Variants in CAMKMT observed in about 807,000 individuals in gnomAD.
CAMKMT encodes calmodulin-lysine N-methyltransferase.
CAMKMT carries 53 observed loss-of-function variants against 48.0 expected under a neutral mutation model. The observed-to-expected ratio is 1.10, with a 90% confidence interval of 0.89 to 1.39. The LOEUF is 1.39. CAMKMT is among the 40% of genes most tolerant of loss of function. The pLI, the probability that CAMKMT is intolerant of heterozygous loss-of-function variation, is 0.00. For missense variants in CAMKMT, 428 were observed against 402.7 expected (o/e 1.06, Z -0.54); for synonymous variants, 165 against 152.3 (o/e 1.08, Z -0.61).
intron 3 of CAMKMT, among the ~76,000 whole-genome samples, chr2:44,450,675 T>G (rs1185661557): frequency 6.6e-6 from 1 of 152,172 alleles, no homozygotes; most frequent in Non-Finnish European, 1.5e-5. Flanking sequence ...TTATTCACTT[T>G]AATTAGCATT....
intron 2 of CAMKMT, among the ~76,000 whole-genome samples, chr2:44,375,871 T>C (rs1207872926): frequency 6.6e-6 from 1 of 152,018 alleles, no homozygotes; most frequent in East Asian, 1.9e-4. Flanking sequence ...CTGCAACCTT[T>C]ACCTCCAGGG....
intron 1 of CAMKMT, 65 bp downstream of exon 1, chr2:44,362,210 C>A (rs1388952197): frequency 7.5e-7 from 1 of 1,331,868 alleles, no homozygotes; most frequent in Non-Finnish European, 9.8e-7. Flanking sequence ...ACCGGGGGAG[C>A]GACTGTTCGC....
At chr2:44,626,315 A>G (rs1180926491) in intron 3 of CAMKMT, among the ~76,000 whole-genome samples, 1 of 151,738 alleles carries the variant, frequency 6.6e-6, no homozygotes, top group Non-Finnish European at 1.5e-5. Context: ...TTGTATTTTT[A>G]TTTCATTTTC....
At chr2:44,598,684 G>A (rs773859682) in intron 3 of CAMKMT, among the ~76,000 whole-genome samples, 5 of 32,794 alleles carry the variant, frequency 1.5e-4, no homozygotes, top group Non-Finnish European at 2.2e-4. Flanking sequence ...TTTGCAGCAA[G>A]CTTAGGACCT....
intron 6 of CAMKMT, among the ~76,000 whole-genome samples, chr2:44,708,026 T>G (rs1677657895): frequency 6.6e-6 from 1 of 152,090 alleles, no homozygotes; most frequent in Non-Finnish European, 1.5e-5. Context: ...GCTATGCTAT[T>G]GCAGTTCAAA....
At chr2:44,518,862 G>A (rs911653136) in intron 3 of CAMKMT, among the ~76,000 whole-genome samples, 1 of 152,216 alleles carries the variant, frequency 6.6e-6, no homozygotes, top group Non-Finnish European at 1.5e-5. Flanking sequence ...ATGCTGAAGA[G>A]ACAATGCTGA....
intron 3 of CAMKMT, among the ~76,000 whole-genome samples, chr2:44,622,474 T>G (rs1672253415): frequency 6.6e-6 from 1 of 152,134 alleles, no homozygotes; most frequent in Non-Finnish European, 1.5e-5. Flanking sequence ...AATACGCAGT[T>G]TTTCAACCCC....
rs151010856 is a variant in CAMKMT at position 44,756,005 on chromosome 2, T to A, written c.762+1887T>A. 2.0e-5 allele frequency among the ~76,000 whole-genome samples: 3 copies of A among 152,322 alleles called. No homozygotes were observed. The East Asian group carries it at 5.8e-4, about 29-fold the overall frequency. ...CTCAAGGCTGCCAGGTATTCTAGCC[T>A]AAAGTGTAAGGAGCCCACCATCAGA... On this transcript the variant is annotated intron_variant, in intron 9 of 10. Coordinates refer to ENST00000378494, the MANE Select transcript of CAMKMT (RefSeq NM_024766.5).
chr2:44,739,434 A>C (rs1679545193), intron 7 of CAMKMT, among the ~76,000 whole-genome samples: 1 of 152,236 alleles, frequency 6.6e-6, no homozygotes, highest in South Asian at 2.1e-4. Context: ...GAAAGATGGA[A>C]TTACCAATAA....
intron 4 of CAMKMT, chr2:44,705,469 A>G (rs952664564): frequency 5.8e-5 from 57 of 985,256 alleles, no homozygotes; most frequent in Non-Finnish European, 6.3e-5. Flanking sequence ...TGGAGCTCCA[A>G]TCAGCGAGCA....
At chr2:44,411,292 G>A (rs1410026671) in intron 3 of CAMKMT, among the ~76,000 whole-genome samples, 3 of 152,058 alleles carry the variant, frequency 2.0e-5, no homozygotes, top group African/African-American at 7.2e-5. Context: ...AGTGACTATT[G>A]CGTGGCAAGT....
At chr2:44,736,295 G>C (rs921259177) in intron 7 of CAMKMT, among the ~76,000 whole-genome samples, 2 of 152,026 alleles carry the variant, frequency 1.3e-5, no homozygotes, top group African/African-American at 4.8e-5. Flanking sequence ...ACAATTCTAG[G>C]TTGACAGTTG....
intron 3 of CAMKMT, among the ~76,000 whole-genome samples, chr2:44,636,574 A>G (rs1673148668): frequency 6.6e-6 from 1 of 152,194 alleles, no homozygotes; most frequent in Admixed American, 6.5e-5. Context: ...TGTGCCCCAA[A>G]TTCATCTTCC....
chr2:44,595,183 A>C (rs1178396827), intron 3 of CAMKMT, among the ~76,000 whole-genome samples: 1 of 152,202 alleles, frequency 6.6e-6, no homozygotes, highest in Non-Finnish European at 1.5e-5. Flanking sequence ...GAGAAATAGG[A>C]ACACTTTTAC....
chr2:44,554,441 C>A (rs1033924795), intron 3 of CAMKMT, among the ~76,000 whole-genome samples: 4 of 152,134 alleles, frequency 2.6e-5, no homozygotes, highest in African/African-American at 9.7e-5. Context: ...GTACTTGATA[C>A]ACAATAAATA....
chr2:44,759,290 A>AT (rs1680511481), intron 9 of CAMKMT, among the ~76,000 whole-genome samples: 1 of 151,954 alleles, frequency 6.6e-6, no homozygotes, highest in African/African-American at 2.4e-5. Flanking sequence ...TGCCTGGCTA[A>AT]TTTTTGTATT....
At chr2:44,372,650 A>G in intron 1 of CAMKMT, 66 bp from the exon 2 acceptor site, 8 of 1,475,612 alleles carry the variant, frequency 5.4e-6, no homozygotes, top group Non-Finnish European at 7.3e-6. Context: ...AATTTTGAAC[A>G]TTTTGAACAC....
intron 3 of CAMKMT, among the ~76,000 whole-genome samples, chr2:44,501,243 C>T (rs570465664): frequency 6.6e-6 from 1 of 151,978 alleles, no homozygotes; most frequent in East Asian, 1.9e-4. Context: ...CAATTCAAGA[C>T]TAATTCAGTA....
At chr2:44,507,579 T>G (rs1168765376) in intron 3 of CAMKMT, among the ~76,000 whole-genome samples, 1 of 152,210 alleles carries the variant, frequency 6.6e-6, no homozygotes, top group Non-Finnish European at 1.5e-5. Flanking sequence ...TCCTCATCAT[T>G]TTAGAAGTCC....
Sources: allele counts gnomAD v4.1 joint callset (sites outside exome capture counted in the v4.1 genomes callset), GRCh38; gene constraint gnomAD v4.1.1; transcripts MANE v1.5; gene names NCBI Gene and HGNC (gene_info 2026-07-23, HGNC 2026-07-21).